The following ABCD2 variants were observed in gnomAD, a reference collection of about 807,000 sequenced individuals.
ABCD2 encodes ATP binding cassette subfamily D member 2.
ABCD2 carries 36 observed loss-of-function variants against 70.9 expected under a neutral mutation model. The ratio of observed to expected loss-of-function variants is 0.51; its 90% CI spans 0.39 to 0.67. ABCD2 has a LOEUF of 0.67. Among genes scored for constraint, ABCD2 ranks in the 30% least tolerant of loss-of-function variants. The pLI, the probability that ABCD2 is intolerant of heterozygous loss-of-function variation, is 0.00. For synonymous variants in ABCD2, 304 were observed against 306.9 expected, an observed-to-expected ratio of 0.99 and a Z score of 0.10; for missense variants, 729 against 890.2, an observed-to-expected ratio of 0.82 and a Z score of 2.30.
chr12:39,538,737 C>G, the ABCD2 span, among the ~76,000 whole-genome samples: 1 of 152,186 alleles, frequency 6.6e-6, no homozygotes, highest in Non-Finnish European at 1.5e-5. Context: ...CGCAAGGCTA[C>G]TTGCGTCAAC....
rs1456073651 is a variant in ABCD2, at chr12:39,550,436, G to A, written c.*3476C>T. The A allele has an allele frequency of 6.6e-6, 1 of 151,556 alleles. No homozygotes were observed. Among genetic ancestry groups the A allele is most frequent in the Non-Finnish European group, 1.5e-5 (1 of 67,644 alleles). The allele number at this position is 151,556 out of a possible 1,614,324, so 9.4% of individuals were successfully genotyped here. ...GCTACATAATGATTTTTACCTTTAA[G>A]GACATTTTTCTCATTCATTTTCATT... is the stretch of plus-strand genomic sequence containing the variant. On this transcript the variant is annotated 3_prime_UTR_variant, in exon 10 of 10. Transcript: ENST00000308666.
chr12:39,558,231 C>T (rs920781764), intron 9 of ABCD2, among the ~76,000 whole-genome samples: 2 of 152,202 alleles, frequency 1.3e-5, no homozygotes, highest in African/African-American at 4.8e-5. Flanking sequence ...TGCACAGGGC[C>T]TATAGCCCCT....
In ABCD2 at chr12:39,600,675, A is replaced by G. The variant is rs1941884596; in HGVS notation, c.1542T>C (p.Gly514=). The G allele has an allele frequency of 6.2e-7, 1 of 1,611,786 alleles. No individual in the cohort carries two copies. The highest frequency in any genetic ancestry group is 8.5e-7 in the Non-Finnish European group (1 of 1,178,974). ...GMHLLITGPN[G]CGKSSLFRIL... is the part of the protein sequence containing the mutation. ...TTCTGAAGAGAGAACTTTTCCCACA[A>G]CCATTGGGACCAGTTATCAAAAGAT... is the stretch of plus-strand genomic sequence containing the variant. Residue 514 remains glycine (G), a synonymous_variant, in exon 6 of 10, where the codon GGT becomes GGC. Coordinates refer to ENST00000308666, the MANE Select transcript of ABCD2 (RefSeq NM_005164.4).
At chr12:39,573,908 T>C in intron 8 of ABCD2, 67 bp from the exon 9 acceptor site, 1 of 1,471,046 alleles carries the variant, frequency 6.8e-7, no homozygotes, top group Non-Finnish European at 9.2e-7. Flanking sequence ...CTTTGGACAA[T>C]ATGAGTTGCA....
the ABCD2 span, among the ~76,000 whole-genome samples, chr12:39,540,942 C>T: frequency 6.6e-6 from 1 of 152,228 alleles, no homozygotes; most frequent in Non-Finnish European, 1.5e-5. Flanking sequence ...CTCCTGAAGG[C>T]TGTGTCATGG....
chr12:39,608,252 G>A (rs940442688), intron 2 of ABCD2, among the ~76,000 whole-genome samples: 8 of 152,154 alleles, frequency 5.3e-5, no homozygotes, highest in Admixed American at 4.6e-4. Flanking sequence ...ATCAGATTTT[G>A]TTTAAAGTTC....
At chr12:39,566,095 T>C (rs1399784938) in intron 9 of ABCD2, among the ~76,000 whole-genome samples, 1 of 152,186 alleles carries the variant, frequency 6.6e-6, no homozygotes, top group Non-Finnish European at 1.5e-5. Flanking sequence ...ATTCTCTTTT[T>C]TTGTTGTGTC....
intron 6 of ABCD2, among the ~76,000 whole-genome samples, chr12:39,590,065 G>A (rs955239430): frequency 5.3e-5 from 8 of 152,110 alleles, no homozygotes; most frequent in Admixed American, 1.3e-4. Flanking sequence ...AGGAAACGGA[G>A]GACCCTATAG....
chr12:39,568,031 C>T lies in ABCD2; in HGVS notation c.2003+5685G>A, dbSNP rs1023148238. The stretch of plus-strand genomic sequence containing the variant: ...GATGGGCTTCCCTTTGTGGGTAACC[C>T]CACCTTTCTCTCTGGCTGCCCTTAA... On this transcript the variant is annotated intron_variant, in intron 9 of 9. Coordinates refer to ENST00000308666, the MANE Select transcript of ABCD2 (RefSeq NM_005164.4). Among the ~76,000 whole-genome samples, 10 of 151,794 alleles carry T rather than the reference C, an allele frequency of 6.6e-5. No homozygotes were observed. The East Asian group carries it at 9.7e-4, about 15-fold the overall frequency.
chr12:39,600,826 T>C (rs1014744973), intron 5 of ABCD2, 110 bp from the exon 6 acceptor site: 1 of 1,009,600 alleles, frequency 9.9e-7, no homozygotes, highest in African/African-American at 1.7e-5. Context: ...ATAACCTAGG[T>C]TGGGCAAAAG....
the ABCD2 span, among the ~76,000 whole-genome samples, chr12:39,533,566 C>T: frequency 1.3e-5 from 2 of 152,330 alleles, no homozygotes; most frequent in Non-Finnish European, 1.5e-5. Context: ...AACCTATTCA[C>T]ATTTTCATTC....
intron 6 of ABCD2, among the ~76,000 whole-genome samples, chr12:39,592,659 C>T (rs796414497): frequency 2.0e-5 from 3 of 152,346 alleles, no homozygotes; most frequent in African/African-American, 7.2e-5. Context: ...TGGCACAGTA[C>T]ATAGGTATAG....
At chr12:39,539,251 CTCATTT>C in the ABCD2 span, among the ~76,000 whole-genome samples, 1 of 152,186 alleles carries the variant, frequency 6.6e-6, no homozygotes, top group African/African-American at 2.4e-5. Context: ...AGAATAACTT[CTCATTT>C]TCATAGTTAG....
downstream of ABCD2, among the ~76,000 whole-genome samples, chr12:39,545,446 A>G (rs995889860): frequency 3.9e-5 from 6 of 152,130 alleles, no homozygotes; most frequent in African/African-American, 1.4e-4. Flanking sequence ...TATTATCTCC[A>G]TTTTAAAAAT....
chr12:39,586,447 T>C, intron 6 of ABCD2, 150 bp from the exon 7 acceptor site: 1 of 684,500 alleles, frequency 1.5e-6, no homozygotes, highest in East Asian at 2.9e-5. Flanking sequence ...TACTTCTCCC[T>C]CAGGCACTGC....
intron 9 of ABCD2, among the ~76,000 whole-genome samples, chr12:39,555,061 A>G (rs1941141805): frequency 6.6e-6 from 1 of 152,030 alleles, no homozygotes; most frequent in Admixed American, 6.5e-5. Flanking sequence ...TTCACATACC[A>G]TAAGTTCATC....
chr12:39,553,845 A>G lies in ABCD2; in HGVS notation c.*67T>C. 2 of 1,177,814 alleles carry G rather than the reference A, an allele frequency of 1.7e-6. No individual in the cohort carries two copies. Among genetic ancestry groups the G allele is most frequent in the South Asian group, 2.9e-5 (2 of 69,626 alleles). 73.0% of individuals were successfully genotyped at this position (1,177,814 alleles called of 1,614,324 possible). ...CTCTGTGCTTAGCTTAACATACTTCATGCAGTATAACAGAATGTCTTTGAG... is the reference window on the plus strand; with the variant it reads ...CTCTGTGCTTAGCTTAACATACTTCGTGCAGTATAACAGAATGTCTTTGAG... On this transcript the variant is annotated 3_prime_UTR_variant, in exon 10 of 10. Coordinates refer to ENST00000308666, the MANE Select transcript of ABCD2 (RefSeq NM_005164.4).
intron 9 of ABCD2, among the ~76,000 whole-genome samples, chr12:39,560,676 T>C (rs1433078643): frequency 2.0e-5 from 3 of 152,102 alleles, no homozygotes; most frequent in South Asian, 2.1e-4. Context: ...AAGATGTAAA[T>C]TGTGATATTA....
At chr12:39,586,929 G>A (rs1162728868) in intron 6 of ABCD2, among the ~76,000 whole-genome samples, 1 of 152,116 alleles carries the variant, frequency 6.6e-6, no homozygotes, top group Non-Finnish European at 1.5e-5. Flanking sequence ...CAACAACTTG[G>A]TAACTCACTC....
Sources: allele counts gnomAD v4.1 joint callset (sites outside exome capture counted in the v4.1 genomes callset), GRCh38; gene constraint gnomAD v4.1.1; transcripts MANE v1.5; gene names NCBI Gene and HGNC (gene_info 2026-07-23, HGNC 2026-07-21).